Variants in CLASP1 observed in about 807,000 individuals in gnomAD.
CLASP1 encodes the protein CLIP-associating protein 1.
A neutral mutation model predicts 192.3 loss-of-function variants in CLASP1; 38 were observed. That is an observed-to-expected ratio of 0.20 (90% CI 0.15 to 0.26). The LOEUF (loss-of-function observed/expected upper bound fraction) is 0.26, where lower values mean the gene tolerates loss of function less well. Among genes scored for constraint, CLASP1 ranks in the 10% least tolerant of loss-of-function variants. The pLI, the probability that CLASP1 is intolerant of heterozygous loss-of-function variation, is 1.00. For synonymous variants in CLASP1, 691 were observed against 712.8 expected (o/e 0.97, Z 0.49); for missense variants, 1,433 against 1,932.5 (o/e 0.74, Z 4.85).
exon 24 of CLASP1, chr2:121,410,886 C>T (rs1425339093): frequency 7.5e-6 from 12 of 1,610,192 alleles, no homozygotes; most frequent in Non-Finnish European, 1.0e-5. Context: ...GCAACAGCAG[C>T]TTCAAGATCT....
chr2:121,573,634 G>T lies in CLASP1; in HGVS notation c.195+32067C>A, dbSNP rs376218613. Among the ~76,000 whole-genome samples, 8 of 152,230 alleles carry T rather than the reference G, an allele frequency of 5.3e-5. No individual in the cohort carries two copies. In the East Asian group the frequency reaches 1.5e-3, roughly 29 times the overall value. On this transcript the variant is annotated intron_variant, in intron 2 of 39. Coordinates refer to ENST00000263710, the Ensembl canonical transcript of CLASP1. ...AAAAGCCAATAGACACACAATTTAA[G>T]TACAAATAAAACTGAATACATGTGA...
intron 25 of CLASP1, among the ~76,000 whole-genome samples, chr2:121,405,099 A>T (rs926528360): frequency 6.6e-6 from 1 of 152,172 alleles, no homozygotes; most frequent in Non-Finnish European, 1.5e-5. Context: ...ACCTTAGGTC[A>T]GGAATTCAAG....
chr2:121,407,365 T>C (rs1423129340), intron 25 of CLASP1, 106 bp downstream of exon 26: 6 of 1,281,654 alleles, frequency 4.7e-6, no homozygotes, highest in Non-Finnish European at 6.4e-6. Flanking sequence ...GGTATCTCCA[T>C]TAATTATAGG....
At chr2:121,546,705 CAG>C (rs534398123) in intron 2 of CLASP1, among the ~76,000 whole-genome samples, 7 of 152,266 alleles carry the variant, frequency 4.6e-5, no homozygotes, top group Non-Finnish European at 8.8e-5. Context: ...CAGGCGCAAA[CAG>C]AGACCCGAGA....
chr2:121,437,174 G>A (rs1052172001), intron 19 of CLASP1, among the ~76,000 whole-genome samples: 1 of 151,948 alleles, frequency 6.6e-6, no homozygotes, highest in African/African-American at 2.4e-5. Context: ...TCACTATATT[G>A]CCCAGGCTTA....
At chr2:121,555,925 C>T (rs1170016745) in intron 2 of CLASP1, among the ~76,000 whole-genome samples, 1 of 150,702 alleles carries the variant, frequency 6.6e-6, no homozygotes, top group Non-Finnish European at 1.5e-5. Flanking sequence ...GATCCACCCA[C>T]CTTGGTCTCC....
intron 27 of CLASP1, 59 bp from the exon 29 acceptor site, chr2:121,401,731 C>G: frequency 7.0e-7 from 1 of 1,434,506 alleles, no homozygotes; most frequent in Middle Eastern, 2.0e-4. Context: ...CCTCCAAAGT[C>G]TACAAAACAT....
chr2:121,397,892 A>G (rs1426303788), intron 29 of CLASP1, among the ~76,000 whole-genome samples: 1 of 152,248 alleles, frequency 6.6e-6, no homozygotes, highest in African/African-American at 2.4e-5. Flanking sequence ...GATTTTCCAC[A>G]ACATGTAACG....
chr2:121,598,152 C>G (rs1176817953), intron 2 of CLASP1, among the ~76,000 whole-genome samples: 1 of 152,196 alleles, frequency 6.6e-6, no homozygotes. Context: ...CAACAGGGAA[C>G]CTTCACAAAT....
At chr2:121,564,895 GGCA>G (rs748142086) in intron 2 of CLASP1, among the ~76,000 whole-genome samples, 35 of 152,320 alleles carry the variant, frequency 2.3e-4, no homozygotes, top group Non-Finnish European at 2.4e-4. Flanking sequence ...GGGTTCCTGT[GGCA>G]GCTATGGGGC....
intron 32 of CLASP1, among the ~76,000 whole-genome samples, chr2:121,383,991 GATAT>G (rs139095697): frequency 1.2e-3 from 158 of 129,520 alleles, no homozygotes; most frequent in African/African-American, 4.5e-3. Context: ...TCACTGGTGA[GATAT>G]ATATATATAT....
intron 2 of CLASP1, among the ~76,000 whole-genome samples, chr2:121,578,963 A>G (rs868253493): frequency 6.6e-6 from 1 of 152,142 alleles, no homozygotes; most frequent in African/African-American, 2.4e-5. Flanking sequence ...CAATTCAGTA[A>G]TTTAACTATT....
intron 2 of CLASP1, among the ~76,000 whole-genome samples, chr2:121,605,452 T>TC (rs1190200597): frequency 1.3e-5 from 2 of 152,200 alleles, no homozygotes; most frequent in African/African-American, 2.4e-5. Flanking sequence ...CAAAAAAGCC[T>TC]CCCCTTATCT....
intron 33 of CLASP1, 151 bp downstream of exon 34, chr2:121,382,057 C>A: frequency 1.5e-6 from 1 of 669,602 alleles, no homozygotes; most frequent in Non-Finnish European, 2.7e-6. Flanking sequence ...CACCTGCTCA[C>A]ACTTCTCACC....
chr2:121,623,680 C>CT (rs1435555363), intron 1 of CLASP1, among the ~76,000 whole-genome samples: 1 of 151,994 alleles, frequency 6.6e-6, no homozygotes, highest in African/African-American at 2.4e-5. Flanking sequence ...TTGGGAGGGG[C>CT]TTTTTTATTG....
chr2:121,604,053 AAGG>A (rs2064118629), intron 2 of CLASP1, among the ~76,000 whole-genome samples: 1 of 152,224 alleles, frequency 6.6e-6, no homozygotes, highest in African/African-American at 2.4e-5. Flanking sequence ...AATTAGCTAG[AAGG>A]AGGATATTAA....
chr2:121,450,877 A>G (rs1275627107), intron 16 of CLASP1, 36 bp downstream of exon 16: 2 of 1,367,594 alleles, frequency 1.5e-6, no homozygotes, highest in Admixed American at 1.7e-5. Context: ...ATATAGAAGA[A>G]GTTAATTTAA....
intron 30 of CLASP1, among the ~76,000 whole-genome samples, chr2:121,392,936 C>T (rs1197238470): frequency 2.6e-5 from 4 of 152,150 alleles, no homozygotes; most frequent in Admixed American, 2.0e-4. Flanking sequence ...ACTGGTGATT[C>T]GTTCGTGTTT....
intron 2 of CLASP1, among the ~76,000 whole-genome samples, chr2:121,538,649 G>A (rs2095154917): frequency 6.6e-6 from 1 of 151,626 alleles, no homozygotes. Flanking sequence ...ACCCAGGCAT[G>A]GCAGTGGGCA....
Sources: gnomAD v4.1 joint callset for allele counts (sites outside exome capture counted in the v4.1 genomes callset) on GRCh38, gnomAD v4.1.1 for gene constraint, MANE v1.5 for transcripts, NCBI Gene and HGNC (gene_info 2026-07-23, HGNC 2026-07-21) for gene names.